Variants in SGSM1 observed in about 807,000 individuals in gnomAD.
SGSM1 encodes RUN and TBC1 domain containing 2.
A neutral mutation model predicts 133.8 loss-of-function variants in SGSM1; 73 were observed. That is an observed-to-expected ratio of 0.55 (90% CI 0.45 to 0.66). The LOEUF (loss-of-function observed/expected upper bound fraction) is 0.66, where lower values mean the gene tolerates loss of function less well. Ranked by LOEUF, SGSM1 falls within the 30% of genes least tolerant of loss-of-function variation. The pLI is 0.00. For missense variants in SGSM1, 1,213 were observed against 1,448.1 expected (o/e 0.84, Z 2.64); for synonymous variants, 563 against 573.0 (o/e 0.98, Z 0.25).
intron 10 of SGSM1, among the ~76,000 whole-genome samples, chr22:24,867,443 CACTT>C (rs962859427): frequency 4.6e-5 from 7 of 152,248 alleles, no homozygotes; most frequent in South Asian, 2.1e-4. Context: ...TAGCTGCTGA[CACTT>C]ACTAAGCAGT....
intron 9 of SGSM1, among the ~76,000 whole-genome samples, chr22:24,860,920 AAAAT>A (rs1280100074): frequency 1.4e-3 from 88 of 63,356 alleles, no homozygotes; most frequent in African/African-American, 3.5e-3. Context: ...AAAAAAAAAA[AAAAT>A]ATATATATAT....
At chr22:24,892,091 C>T (rs1932824224) in intron 16 of SGSM1, among the ~76,000 whole-genome samples, 1 of 152,044 alleles carries the variant, frequency 6.6e-6, no homozygotes, top group South Asian at 2.1e-4. Context: ...GCAACAGAGA[C>T]CTGGATGGAG....
chr22:24,806,774 C>G (rs1927417124), intron 2 of SGSM1, among the ~76,000 whole-genome samples: 2 of 151,974 alleles, frequency 1.3e-5, no homozygotes, highest in Admixed American at 1.3e-4. Context: ...CCGATAGGAC[C>G]TCCTCTTGTG....
At chr22:24,902,796 T>C (rs572080416) in intron 20 of SGSM1, among the ~76,000 whole-genome samples, 5 of 152,308 alleles carry the variant, frequency 3.3e-5, no homozygotes, top group African/African-American at 9.6e-5. Flanking sequence ...CCCAGCACTT[T>C]GGGAGGCCAA....
intron 19 of SGSM1, among the ~76,000 whole-genome samples, chr22:24,899,051 G>A (rs1427124959): frequency 1.4e-5 from 2 of 141,840 alleles, no homozygotes; most frequent in Non-Finnish European, 3.0e-5. Context: ...AAAAAAACGT[G>A]TACAGTGTTA....
At chr22:24,923,594 G>C (rs1934088617) in intron 24 of SGSM1, among the ~76,000 whole-genome samples, 1 of 151,630 alleles carries the variant, frequency 6.6e-6, no homozygotes. Context: ...TTATAGGAGA[G>C]GGGTGGAAGG....
chr22:24,819,128 A>G (rs1007610686), intron 2 of SGSM1, among the ~76,000 whole-genome samples: 1 of 147,396 alleles, frequency 6.8e-6, no homozygotes, highest in Non-Finnish European at 1.5e-5. Context: ...CCTGGGCGAC[A>G]GAGCAAGACT....
intron 19 of SGSM1, among the ~76,000 whole-genome samples, chr22:24,898,859 C>CT (rs2123705225): frequency 6.6e-6 from 1 of 152,052 alleles, no homozygotes; most frequent in African/African-American, 2.4e-5. Flanking sequence ...AAACCTGTCT[C>CT]TACTAAAAGT....
chr22:24,921,241 A>G (rs1005305982), intron 24 of SGSM1, among the ~76,000 whole-genome samples: 24 of 152,148 alleles, frequency 1.6e-4, no homozygotes, highest in African/African-American at 5.3e-4. Context: ...CTGGGATTAC[A>G]GACACGCACC....
chr22:24,909,990 A>C (rs1208672946), intron 21 of SGSM1, among the ~76,000 whole-genome samples: 1 of 152,232 alleles, frequency 6.6e-6, no homozygotes, highest in African/African-American at 2.4e-5. Flanking sequence ...TGGTATATCC[A>C]TACAATGGAA....
intron 22 of SGSM1, 149 bp downstream of exon 22, chr22:24,912,901 C>T: frequency 1.7e-6 from 1 of 589,302 alleles, no homozygotes; most frequent in Non-Finnish European, 3.1e-6. Flanking sequence ...ACTCTTATCT[C>T]TGTGGGCCTC....
At chr22:24,876,819 G>T in intron 13 of SGSM1, 104 bp downstream of exon 13, 1 of 1,446,666 alleles carries the variant, frequency 6.9e-7, no homozygotes, top group South Asian at 1.3e-5. Context: ...AGCATAACCT[G>T]CGGACTCAGG....
intron 5 of SGSM1, among the ~76,000 whole-genome samples, chr22:24,851,870 G>A (rs1930503949): frequency 6.6e-6 from 1 of 152,206 alleles, no homozygotes; most frequent in African/African-American, 2.4e-5. Context: ...AGACAGGAAA[G>A]AAACTGCAAG....
At chr22:24,903,867 G>T (rs1371740682) in intron 20 of SGSM1, among the ~76,000 whole-genome samples, 2 of 151,704 alleles carry the variant, frequency 1.3e-5, no homozygotes, top group African/African-American at 4.8e-5. Context: ...AGCTACTCAG[G>T]AGGCTGAGAC....
chr22:24,902,282 T>A (rs949044863), intron 20 of SGSM1, among the ~76,000 whole-genome samples: 1 of 152,204 alleles, frequency 6.6e-6, no homozygotes, highest in African/African-American at 2.4e-5. Context: ...GGGCAGTGGC[T>A]GAGCGGGAAC....
At chr22:24,819,179 A>G (rs1465941278) in intron 2 of SGSM1, among the ~76,000 whole-genome samples, 4 of 151,954 alleles carry the variant, frequency 2.6e-5, no homozygotes, top group Admixed American at 2.6e-4. Context: ...AACCCCAGTA[A>G]TAATTATAAT....
intron 12 of SGSM1, among the ~76,000 whole-genome samples, chr22:24,870,549 G>A (rs12158574): frequency 1.3e-5 from 2 of 152,176 alleles, no homozygotes; most frequent in Admixed American, 6.5e-5. Context: ...GCTTGATGAA[G>A]GCCAGTGGAA....
rs112919949 is a variant in SGSM1, at chr22:24,888,113, G to A, written c.1770+1385G>A. Among the ~76,000 whole-genome samples the A allele has an allele frequency of 5.6e-3, 852 of 152,158 alleles. 9 individuals are homozygous for A. The highest frequency in any genetic ancestry group is 0.019 in the African/African-American group (798 of 41,534). ...TGATAACAGTCCTTTGTTCAGATAC[G>A]TGATTGGCAAATATTTCCTCCGAGT... is the stretch of plus-strand genomic sequence containing the variant. On this transcript the variant is annotated intron_variant, in intron 16 of 24. Coordinates refer to ENST00000400358, the MANE Select transcript of SGSM1 (RefSeq NM_001098497.3).
intron 7 of SGSM1, 36 bp downstream of exon 7, chr22:24,855,466 C>G (rs1205205030): frequency 1.2e-6 from 2 of 1,613,082 alleles, no homozygotes; most frequent in African/African-American, 2.7e-5. Flanking sequence ...TGGGAGGGAC[C>G]TTACATGAGG....
Sources: gnomAD v4.1 joint callset for allele counts (sites outside exome capture counted in the v4.1 genomes callset) on GRCh38, gnomAD v4.1.1 for gene constraint, MANE v1.5 for transcripts, NCBI Gene and HGNC (gene_info 2026-07-23, HGNC 2026-07-21) for gene names.